The following HEATR4 variants were observed in gnomAD, a reference collection of about 807,000 sequenced individuals.
HEATR4 encodes the protein HEAT repeat containing 4.
In HEATR4, 95 loss-of-function variants were observed where a neutral mutation model predicts 108.8. That is an observed-to-expected ratio of 0.87 (90% CI 0.74 to 1.04). HEATR4 has a LOEUF of 1.04. HEATR4 is among the 50% of genes least tolerant of loss of function. The pLI is 0.00. For missense variants in HEATR4, 1,152 were observed against 1,253.8 expected (o/e 0.92, Z 1.23); for synonymous variants, 443 against 459.4 (o/e 0.96, Z 0.46).
the HEATR4 span, among the ~76,000 whole-genome samples, chr14:73,614,266 G>C: frequency 6.6e-6 from 1 of 152,120 alleles, no homozygotes; most frequent in African/African-American, 2.4e-5. Flanking sequence ...ACCGAATTCT[G>C]TGATTATTCT....
rs182740119 is a variant in HEATR4 at position 73,544,337 on chromosome 14, T to C, written c.-151-14093A>G. On this transcript the variant is annotated intron_variant, in intron 1 of 17. Transcript: ENST00000553558. ...TAAATAAATAAATGATTACCTACTG[T>C]GGAAGAAAAGCACATAATATAAAAA... Among the ~76,000 whole-genome samples, 195 of 115,612 alleles carry C rather than the reference T, an allele frequency of 1.7e-3. 47 individuals carry two copies. The highest frequency in any genetic ancestry group is 5.1e-3 in the African/African-American group (181 of 35,792). 75.8% of individuals were successfully genotyped at this position (115,612 alleles called of 152,430 possible).
the HEATR4 span, among the ~76,000 whole-genome samples, chr14:73,579,364 C>T: frequency 1.4e-5 from 2 of 146,894 alleles, no homozygotes; most frequent in Non-Finnish European, 3.0e-5. Flanking sequence ...ATCATGAGGT[C>T]GGGAGTCTGA....
At chr14:73,516,714 G>T (rs1200273213) in intron 5 of HEATR4, among the ~76,000 whole-genome samples, 1 of 152,152 alleles carries the variant, frequency 6.6e-6, no homozygotes, top group African/African-American at 2.4e-5. Context: ...GTGAGTGGTG[G>T]GTGGGCAAGC....
intron 9 of HEATR4, among the ~76,000 whole-genome samples, chr14:73,506,804 G>GTTTTTTTTTTTTTTGTTTTTTT (rs1268314395): frequency 3.4e-4 from 27 of 80,520 alleles, no homozygotes; most frequent in African/African-American, 3.9e-4. Flanking sequence ...GACTTTAACT[G>GTTTTTTTTTTTTTTGTTTTTTT]TTTTTTTTTT....
In HEATR4 at chr14:73,544,227, G is replaced by A. The variant is rs1475808886; in HGVS notation, c.-151-13983C>T. ...GAGAATTGCTTGAACCCGGGAGGCA[G>A]AGGTTGCAATGAGCTGAGATTGCAC... On this transcript the variant is annotated intron_variant, in intron 1 of 17. Coordinates refer to ENST00000553558, the MANE Select transcript of HEATR4 (RefSeq NM_001220484.1). Among the ~76,000 whole-genome samples the A allele has an allele frequency of 1.7e-5, 2 of 115,278 alleles. 1 individual carries two copies. Among genetic ancestry groups the A allele is most frequent in the Middle Eastern group, 8.4e-3 (2 of 238 alleles). 75.6% of individuals were successfully genotyped at this position (115,278 alleles called of 152,430 possible).
chr14:73,586,159 C>T, the HEATR4 span, among the ~76,000 whole-genome samples: 44 of 151,350 alleles, frequency 2.9e-4, no homozygotes, highest in African/African-American at 9.5e-4. Flanking sequence ...TTTGGGAGGC[C>T]GAGGCGAGTG....
intron 3 of HEATR4, among the ~76,000 whole-genome samples, chr14:73,521,528 A>T (rs1887977910): frequency 6.6e-6 from 1 of 152,228 alleles, no homozygotes; most frequent in Non-Finnish European, 1.5e-5. Flanking sequence ...GTGCCTGGAA[A>T]GTAGCAAGAA....
At chr14:73,527,517 T>C (rs1888409292) in intron 2 of HEATR4, 2 of 150,010 alleles carry the variant, frequency 1.3e-5, no homozygotes, top group South Asian at 4.3e-4. Context: ...CTTTTGTTTC[T>C]TTACTTCTCT....
the HEATR4 span, chr14:73,593,936 C>T: frequency 1.3e-6 from 2 of 1,562,428 alleles, no homozygotes; most frequent in South Asian, 1.1e-5. Flanking sequence ...TAATCAGTCT[C>T]TCTAGAAATA....
intron 1 of HEATR4, among the ~76,000 whole-genome samples, chr14:73,558,286 T>C (rs1169544558): frequency 1.4e-5 from 2 of 141,860 alleles, no homozygotes; most frequent in East Asian, 2.1e-4. Flanking sequence ...TTTTTTACCA[T>C]GCACTCACAC....
chr14:73,602,581 C>G, the HEATR4 span, among the ~76,000 whole-genome samples: 3 of 152,174 alleles, frequency 2.0e-5, no homozygotes, highest in Non-Finnish European at 2.9e-5. Context: ...CCTCCTGACT[C>G]CTTCTTCCAA....
chr14:73,619,479 ACACAAT>A, the HEATR4 span: 1 of 1,614,252 alleles, frequency 6.2e-7, no homozygotes, highest in Non-Finnish European at 8.5e-7. Context: ...CACTGGAGGA[ACACAAT>A]CACCAAAGTC....
At chr14:73,500,514 A>G in intron 12 of HEATR4, 36 bp downstream of exon 12, 1 of 1,594,592 alleles carries the variant, frequency 6.3e-7, no homozygotes, top group South Asian at 1.1e-5. Context: ...TCTTCAGGTC[A>G]ATCAGGTAAG....
chr14:73,510,881 C>T (rs1434823832), intron 7 of HEATR4, among the ~76,000 whole-genome samples: 2 of 152,182 alleles, frequency 1.3e-5, no homozygotes, highest in African/African-American at 4.8e-5. Flanking sequence ...TTCTAGGGTC[C>T]ACAAAGGGCC....
At chr14:73,524,310 A>AAATATATATATATATATAT in intron 2 of HEATR4, among the ~76,000 whole-genome samples, 1 of 54,780 alleles carries the variant, frequency 1.8e-5, no homozygotes, top group Admixed American at 2.8e-4. Context: ...AAAAAAAAAA[A>AAATATATATATATATATAT]ATATATATAT....
chr14:73,611,490 T>C, the HEATR4 span: 1 of 152,178 alleles, frequency 6.6e-6, no homozygotes, highest in Non-Finnish European at 1.5e-5. Flanking sequence ...GATAGTACCT[T>C]TATAAAACTC....
chr14:73,567,897 G>A, the HEATR4 span: 1 of 152,076 alleles, frequency 6.6e-6, no homozygotes, highest in African/African-American at 2.4e-5. Context: ...GAACCCACCA[G>A]AAGGAACACA....
intron 12 of HEATR4, among the ~76,000 whole-genome samples, chr14:73,499,514 G>T (rs371755428): frequency 2.0e-5 from 3 of 151,928 alleles, no homozygotes; most frequent in South Asian, 4.2e-4. Flanking sequence ...GCAAAAGAAT[G>T]AATCAGAAAC....
intron 5 of HEATR4, among the ~76,000 whole-genome samples, chr14:73,514,918 A>G (rs752846999): frequency 2.6e-5 from 4 of 151,976 alleles, no homozygotes; most frequent in Non-Finnish European, 5.9e-5. Context: ...AATACAAAAA[A>G]TTGGCCGGGC....
Sources: gnomAD v4.1 joint callset for allele counts (sites outside exome capture counted in the v4.1 genomes callset) on GRCh38, gnomAD v4.1.1 for gene constraint, MANE v1.5 for transcripts, NCBI Gene and HGNC (gene_info 2026-07-23, HGNC 2026-07-21) for gene names.